Variants in MYH10 observed in about 807,000 individuals in gnomAD.
MYH10 encodes myosin-10.
MYH10 carries 55 observed loss-of-function variants against 257.8 expected under a neutral mutation model. That is an observed-to-expected ratio of 0.21 (90% confidence interval 0.17 to 0.27). MYH10 has a LOEUF of 0.27. Among genes scored for constraint, MYH10 ranks in the 10% least tolerant of loss-of-function variants. MYH10 has a pLI of 1.00. For synonymous variants in MYH10, 854 were observed against 921.7 expected, an observed-to-expected ratio of 0.93 and a Z score of 1.33; for missense variants, 1,631 against 2,500.6, an observed-to-expected ratio of 0.65 and a Z score of 7.42.
intron 2 of MYH10, among the ~76,000 whole-genome samples, chr17:8,606,523 C>G (rs758441369): frequency 6.6e-6 from 1 of 152,134 alleles, no homozygotes; most frequent in South Asian, 2.1e-4. Context: ...AACTAACAGC[C>G]GTGTTCATAA....
At chr17:8,533,110 C>A (rs138019910) in intron 16 of MYH10, among the ~76,000 whole-genome samples, 2 of 152,272 alleles carry the variant, frequency 1.3e-5, no homozygotes, top group African/African-American at 4.8e-5. Flanking sequence ...CATCTCCACG[C>A]CCACTGTCAT....
At chr17:8,579,858 A>G (rs2152026528) in intron 4 of MYH10, among the ~76,000 whole-genome samples, 1 of 152,312 alleles carries the variant, frequency 6.6e-6, no homozygotes, top group South Asian at 2.1e-4. Context: ...AACCTGAAAA[A>G]AATTTTATGA....
chr17:8,506,306 T>G lies in MYH10; in HGVS notation c.3386+12A>C. The G allele has an allele frequency of 6.4e-7, 1 of 1,573,674 alleles. No individual in the cohort carries two copies. The highest frequency in any genetic ancestry group is 1.2e-5 in the South Asian group (1 of 83,586). On this transcript the variant is annotated intron_variant, in intron 27 of 42. Coordinates refer to ENST00000360416, the MANE Select transcript of MYH10 (RefSeq NM_001256012.3). The surrounding 1 kb of genome is among the most constrained non-coding windows in gnomAD (Gnocchi z 5.0). ...ATGGGCTCCCGTGCAGCGCAGCTGC[T>G]GGGCTGCAGACCTGGCCAGTGCGCC... is the stretch of plus-strand genomic sequence containing the variant.
At chr17:8,610,231 A>G (rs890603975) in intron 2 of MYH10, among the ~76,000 whole-genome samples, 1 of 127,758 alleles carries the variant, frequency 7.8e-6, no homozygotes, top group Non-Finnish European at 1.6e-5. Context: ...CAATTTATGG[A>G]TTTTTCTCCT....
intron 2 of MYH10, among the ~76,000 whole-genome samples, chr17:8,607,825 AAG>A (rs969414467): frequency 2.0e-5 from 3 of 152,230 alleles, no homozygotes; most frequent in Non-Finnish European, 2.9e-5. Context: ...CAAAAAGAGA[AAG>A]AGAAAGATGA....
At chr17:8,591,244 T>C (rs115512852) in intron 3 of MYH10, among the ~76,000 whole-genome samples, 4,600 of 152,238 alleles carry the variant, frequency 0.03, 225 homozygotes, top group African/African-American at 0.1. Context: ...CTAGAATGCA[T>C]TGCTTGAGAT....
In MYH10 at chr17:8,542,266, TTCAAAGGAGTTCAGCTACAAATG is replaced by T; in HGVS notation, c.1432-9_1445del. 1 of 1,613,042 alleles carries T rather than the reference TTCAAAGGAGTTCAGCTACAAATG, an allele frequency of 6.2e-7. No homozygotes were observed. The highest frequency in any genetic ancestry group is 8.5e-7 in the Non-Finnish European group (1 of 1,179,646). On this transcript the variant is annotated splice_acceptor_variant and splice_polypyrimidine_tract_variant and coding_sequence_variant and intron_variant, in exon 14 of 43. Coordinates refer to ENST00000360416, the MANE Select transcript of MYH10 (RefSeq NM_001256012.3). LOFTEE classifies it high-confidence loss of function. ...CATTGGTGTAGTTGATGCAAAGTTG[TTCAAAGGAGTTCAGCTACAAATG>T]TCAAAGGGTAATTTTCCAAACATGG...
chr17:8,623,373 A>T (rs1335908896), intron 1 of MYH10, 96 bp from the exon 2 acceptor site: 1 of 1,252,786 alleles, frequency 8.0e-7, no homozygotes, highest in Non-Finnish European at 1.1e-6. Context: ...TAGATTAAGC[A>T]TTAACTCTGT....
chr17:8,486,350 TAAATA>T (rs1282692395), intron 36 of MYH10, among the ~76,000 whole-genome samples: 1 of 151,882 alleles, frequency 6.6e-6, no homozygotes, highest in Non-Finnish European at 1.5e-5. Flanking sequence ...ATAAAGCTGT[TAAATA>T]AAATCACAGT....
At chr17:8,485,457 C>CT (rs138894418) in intron 36 of MYH10, among the ~76,000 whole-genome samples, 31,186 of 121,044 alleles carry the variant, frequency 0.26, 3,954 homozygotes, top group East Asian at 0.37. Flanking sequence ...CCCAAGCTGG[C>CT]TTTTTTTTTT....
intron 11 of MYH10, among the ~76,000 whole-genome samples, chr17:8,547,187 C>A (rs545254323): frequency 6.6e-6 from 1 of 152,308 alleles, no homozygotes; most frequent in Admixed American, 6.5e-5. Flanking sequence ...GTAGCTGGGA[C>A]TACATGGCCA....
chr17:8,601,816 A>T (rs1215072542), intron 3 of MYH10, among the ~76,000 whole-genome samples: 1 of 152,144 alleles, frequency 6.6e-6, no homozygotes, highest in East Asian at 1.9e-4. Context: ...AATCCAATTT[A>T]AAAAAAATTA....
chr17:8,497,062 G>A lies in MYH10; in HGVS notation c.3952-1821C>T, dbSNP rs181839595. On this transcript the variant is annotated intron_variant, in intron 30 of 42. Transcript: ENST00000360416. Reference sequence around the variant, plus strand: ...AATTAAGCACGTGCTGTGTGACTCCGCTGGGAGAGGACTCCTGGAAGCTTG... The same window carrying A: ...AATTAAGCACGTGCTGTGTGACTCCACTGGGAGAGGACTCCTGGAAGCTTG... 1.4e-3 allele frequency among the ~76,000 whole-genome samples: 219 copies of A among 152,294 alleles called. 1 individual carries two copies. Among genetic ancestry groups the A allele is most frequent in the Middle Eastern group, 0.014 (4 of 294 alleles).
chr17:8,611,604 C>T (rs2152088252), intron 2 of MYH10, among the ~76,000 whole-genome samples: 1 of 152,132 alleles, frequency 6.6e-6, no homozygotes, highest in East Asian at 1.9e-4. Flanking sequence ...AAAAGAAAAC[C>T]AGTAACTACA....
intron 1 of MYH10, among the ~76,000 whole-genome samples, chr17:8,627,674 A>T (rs993603962): frequency 2.0e-5 from 3 of 152,236 alleles, no homozygotes; most frequent in Admixed American, 2.0e-4. Context: ...CCCAATCTGG[A>T]TAATACTGGT....
rs745359924 is a variant in MYH10, at chr17:8,589,081, G to A, written c.530C>T (p.Thr177Met). Residue 177 changes from threonine (T) to methionine (M), a missense_variant and splice_region_variant, in exon 4 of 43, where the codon ACG (threonine) becomes ATG (methionine). By Grantham distance (81) the Thr-to-Met change is moderately conservative. Coordinates refer to ENST00000360416, the MANE Select transcript of MYH10 (RefSeq NM_001256012.3). ...QDREDQSILC[T>M]GESGAGKTEN... ...ATCTGAACATTCAACATTTACTTAC[G>A]TGCAAAGAATTGACTGGTCCTCACG... 7 of 1,613,126 alleles carry A rather than the reference G, an allele frequency of 4.3e-6. No homozygotes were observed. Among genetic ancestry groups the A allele is most frequent in the Non-Finnish European group, 5.9e-6 (7 of 1,179,596 alleles).
chr17:8,570,868 C>A (rs956064214), intron 6 of MYH10, among the ~76,000 whole-genome samples: 6 of 152,164 alleles, frequency 3.9e-5, no homozygotes, highest in African/African-American at 1.4e-4. Flanking sequence ...CTGGTGTGGA[C>A]TGTCACTCAG....
intron 6 of MYH10, among the ~76,000 whole-genome samples, chr17:8,572,206 A>C (rs1213352858): frequency 2.0e-5 from 3 of 150,978 alleles, no homozygotes; most frequent in Non-Finnish European, 4.4e-5. Context: ...CAAATTTTCT[A>C]TTGGTTCTTT....
chr17:8,629,509 C>A (rs2085818217), intron 1 of MYH10, among the ~76,000 whole-genome samples: 1 of 152,144 alleles, frequency 6.6e-6, no homozygotes, highest in Non-Finnish European at 1.5e-5. Context: ...GGCCCTAGTT[C>A]CAAACAGGCC....
Sources: gnomAD v4.1 joint callset for allele counts (sites outside exome capture counted in the v4.1 genomes callset) on GRCh38, gnomAD v4.1.1 for gene constraint, Gnocchi (gnomAD v3.1) non-coding constraint, MANE v1.5 for transcripts, NCBI Gene and HGNC (gene_info 2026-07-23, HGNC 2026-07-21) for gene names.